ADAM22: variants seen among roughly 807,000 people sequenced by gnomAD.
The protein encoded by ADAM22 is ADAM metallopeptidase domain 22.
Under a neutral mutation model 144.6 loss-of-function variants are expected in ADAM22, and 65 were observed. The observed-to-expected ratio is 0.45, with a 90% CI of 0.37 to 0.55. The LOEUF is 0.55. ADAM22 is among the 20% of genes least tolerant of loss of function. The pLI is 0.00. For synonymous variants in ADAM22, 391 were observed against 412.6 expected, an observed-to-expected ratio of 0.95 and a Z score of 0.63; for missense variants, 974 against 1,184.9, an observed-to-expected ratio of 0.82 and a Z score of 2.61.
At chr7:87,973,112 G>A (rs1850893379) in intron 2 of ADAM22, among the ~76,000 whole-genome samples, 1 of 152,144 alleles carries the variant, frequency 6.6e-6, no homozygotes, top group African/African-American at 2.4e-5. Context: ...AAGCTAAAGA[G>A]CTTCTGCACA....
chr7:88,000,883 A>G (rs1376889607), intron 3 of ADAM22, among the ~76,000 whole-genome samples: 2 of 152,206 alleles, frequency 1.3e-5, no homozygotes, highest in Non-Finnish European at 2.9e-5. Context: ...AGAGGAGAGA[A>G]CTAGGCTTTG....
intron 3 of ADAM22, among the ~76,000 whole-genome samples, chr7:87,996,597 A>AGG: frequency 6.6e-6 from 1 of 152,300 alleles, no homozygotes; most frequent in Middle Eastern, 3.4e-3. Flanking sequence ...CACTGAAGGG[A>AGG]ATATTATTGG....
At chr7:88,154,570 G>A (rs775665470) in intron 21 of ADAM22, among the ~76,000 whole-genome samples, 13 of 151,760 alleles carry the variant, frequency 8.6e-5, no homozygotes, top group Non-Finnish European at 1.3e-4. Context: ...TTATTTGTCC[G>A]TAATTTTGTT....
At chr7:88,035,440 C>A (rs1485458397) in intron 3 of ADAM22, among the ~76,000 whole-genome samples, 1 of 152,162 alleles carries the variant, frequency 6.6e-6, no homozygotes, top group Non-Finnish European at 1.5e-5. Flanking sequence ...TCAGAGTAAG[C>A]AGATAAGGTT....
intron 7 of ADAM22, among the ~76,000 whole-genome samples, chr7:88,120,005 A>G (rs560711646): frequency 6.6e-6 from 1 of 152,276 alleles, no homozygotes; most frequent in Admixed American, 6.5e-5. Flanking sequence ...CTTAGCATGC[A>G]TCAGAATCAT....
chr7:88,035,116 C>G (rs553398325), intron 3 of ADAM22, among the ~76,000 whole-genome samples: 1 of 152,252 alleles, frequency 6.6e-6, no homozygotes, highest in South Asian at 2.1e-4. Context: ...TTCTCTTGCT[C>G]CTTTATTTCT....
chr7:87,948,857 A>G (rs1477123516), intron 2 of ADAM22, among the ~76,000 whole-genome samples: 1 of 152,216 alleles, frequency 6.6e-6, no homozygotes, highest in African/African-American at 2.4e-5. Context: ...GGTTATTCAT[A>G]TTCACTATTG....
At chr7:87,935,773 T>A (rs1357363029) in intron 2 of ADAM22, among the ~76,000 whole-genome samples, 1 of 152,238 alleles carries the variant, frequency 6.6e-6, no homozygotes, top group Admixed American at 6.5e-5. Context: ...AGCAGTTCTC[T>A]TGGTTTAATT....
intron 23 of ADAM22, among the ~76,000 whole-genome samples, chr7:88,164,836 T>C (rs1023949646): frequency 1.3e-5 from 2 of 152,134 alleles, no homozygotes; most frequent in Non-Finnish European, 2.9e-5. Context: ...ATACCTGACA[T>C]ATGATATAGC....
intron 6 of ADAM22, among the ~76,000 whole-genome samples, chr7:88,116,514 G>A (rs553829376): frequency 6.6e-6 from 1 of 152,294 alleles, no homozygotes; most frequent in East Asian, 1.9e-4. Flanking sequence ...TTCCATTACT[G>A]TAGGCTTTGG....
At position 88,078,396 on chromosome 7, in the gene ADAM22, A is replaced by G. The variant is rs1025377988; in HGVS notation, c.390+2704A>G. ...GATAGATAAAACCACAAAGATGGGG[A>G]AAAAACAGAGCAGAAAAACCAGAAA... On this transcript the variant is annotated intron_variant, in intron 4 of 31. Transcript: ENST00000413139. Among the ~76,000 whole-genome samples the G allele has an allele frequency of 1.4e-4, 22 of 152,238 alleles. 1 individual carries two copies. The highest frequency in any genetic ancestry group is 2.4e-5 in the African/African-American group (1 of 41,466).
intron 25 of ADAM22, among the ~76,000 whole-genome samples, chr7:88,168,707 A>G (rs1329736688): frequency 6.6e-6 from 1 of 152,194 alleles, no homozygotes; most frequent in African/African-American, 2.4e-5. Flanking sequence ...TTGTATTCAA[A>G]TAACTAATTT....
chr7:87,950,339 C>T (rs918153193), intron 2 of ADAM22, among the ~76,000 whole-genome samples: 12 of 136,858 alleles, frequency 8.8e-5, no homozygotes, highest in Admixed American at 5.7e-4. Context: ...CTTCCTGTGT[C>T]CATGTATTCT....
intron 2 of ADAM22, among the ~76,000 whole-genome samples, chr7:87,940,391 TACAATGATATAA>T (rs1842258857): frequency 6.6e-6 from 1 of 152,180 alleles, no homozygotes; most frequent in South Asian, 2.1e-4. Flanking sequence ...TTCCAAGAAC[TACAATGATATAA>T]ACCACATTAA....
intron 14 of ADAM22, among the ~76,000 whole-genome samples, chr7:88,137,464 C>T (rs1833279423): frequency 6.6e-6 from 1 of 152,152 alleles, no homozygotes; most frequent in Admixed American, 6.5e-5. Context: ...AACCATAATA[C>T]TACATAGATT....
chr7:87,955,051 A>G (rs1335308010), intron 2 of ADAM22, among the ~76,000 whole-genome samples: 3 of 152,128 alleles, frequency 2.0e-5, no homozygotes, highest in Non-Finnish European at 2.9e-5. Flanking sequence ...TTTTTTTCAA[A>G]GTTTTCAACT....
chr7:87,972,865 G>T (rs1850815284), intron 2 of ADAM22, among the ~76,000 whole-genome samples: 1 of 152,128 alleles, frequency 6.6e-6, no homozygotes, highest in Admixed American at 6.6e-5. Flanking sequence ...TTTAATAAAT[G>T]GTGCTGGGAA....
chr7:88,075,852 C>G (rs1814290090), intron 4 of ADAM22, among the ~76,000 whole-genome samples, 160 bp downstream of exon 4: 1 of 151,954 alleles, frequency 6.6e-6, no homozygotes, highest in Non-Finnish European at 1.5e-5. Flanking sequence ...AAAAATGAAA[C>G]TTTACTTTTA....
chr7:88,075,344 C>T (rs1057109768), intron 3 of ADAM22, among the ~76,000 whole-genome samples: 2 of 152,024 alleles, frequency 1.3e-5, no homozygotes, highest in Non-Finnish European at 2.9e-5. Context: ...GATGTGCTTA[C>T]GGTAGTTTCC....
Sources: gnomAD v4.1 joint callset for allele counts (sites outside exome capture counted in the v4.1 genomes callset) on GRCh38, gnomAD v4.1.1 for gene constraint, MANE v1.5 for transcripts, NCBI Gene and HGNC (gene_info 2026-07-23, HGNC 2026-07-21) for gene names.